CNIH3: variants seen among roughly 807,000 people sequenced by gnomAD.
CNIH3 encodes cornichon family AMPA receptor auxiliary protein 3, also known as protein cornichon homolog 3.
A neutral mutation model predicts 24.1 loss-of-function variants in CNIH3; 14 were observed. The observed-to-expected ratio is 0.58, with a 90% CI of 0.38 to 0.91. The LOEUF is 0.91. CNIH3 is among the 40% of genes least tolerant of loss of function. CNIH3 has a pLI of 0.00. For synonymous variants in CNIH3, 68 were observed against 73.8 expected (o/e 0.92, Z 0.40); for missense variants, 178 against 196.8 (o/e 0.90, Z 0.57).
intron 3 of CNIH3, among the ~76,000 whole-genome samples, chr1:224,720,057 A>G (rs1294722075): frequency 6.6e-6 from 1 of 152,104 alleles, no homozygotes; most frequent in Admixed American, 6.5e-5. Context: ...CAAATTGCCC[A>G]TTCCCCTGTA....
chr1:224,693,647 C>A (rs1242158542), intron 3 of CNIH3, among the ~76,000 whole-genome samples: 1 of 152,194 alleles, frequency 6.6e-6, no homozygotes, highest in Non-Finnish European at 1.5e-5. Flanking sequence ...GCGCAAGCAC[C>A]TTTTCAAGCT....
intron 1 of CNIH3, among the ~76,000 whole-genome samples, chr1:224,480,802 A>G (rs535251450): frequency 1.2e-3 from 177 of 152,326 alleles, no homozygotes; most frequent in African/African-American, 4.1e-3. Flanking sequence ...AAGCCATTCA[A>G]CAAGTCTCTG....
At chr1:224,536,257 G>T (rs1679277131) in intron 2 of CNIH3, among the ~76,000 whole-genome samples, 1 of 141,430 alleles carries the variant, frequency 7.1e-6, no homozygotes, top group African/African-American at 2.6e-5. Flanking sequence ...TTTTTTAATT[G>T]TGGGAAATAG....
At chr1:224,538,381 A>G (rs868248316), downstream of CNIH3, among the ~76,000 whole-genome samples, 6 of 152,178 alleles carry the variant, frequency 3.9e-5, no homozygotes, top group Admixed American at 1.3e-4. Context: ...TCTGACCAAG[A>G]TGAGTCTCTT....
intron 1 of CNIH3, among the ~76,000 whole-genome samples, chr1:224,436,304 G>T (rs1425272041): frequency 6.6e-6 from 1 of 152,152 alleles, no homozygotes; most frequent in Admixed American, 6.5e-5. Context: ...CCCTCAGAGA[G>T]CCCTGTTTGT....
At chr1:224,628,189 T>A (rs1321671970) in intron 1 of CNIH3, among the ~76,000 whole-genome samples, 2 of 152,178 alleles carry the variant, frequency 1.3e-5, no homozygotes, top group Non-Finnish European at 2.9e-5. Context: ...ATTCGCCGGC[T>A]ACCTGAGAGC....
rs188565607 is a variant in CNIH3 at position 224,473,802 on chromosome 1, T to C, written n.203+38940T>C. On this transcript the variant is annotated intron_variant and non_coding_transcript_variant, in intron 1 of 5. Coordinates refer to the CNIH3 transcript ENST00000471578. The stretch of plus-strand genomic sequence containing the variant: ...TGCACTATAGACCAAATGGACCTAA[T>C]AGATATTTACAGAACGTTTCATCCA... 1.2e-3 allele frequency among the ~76,000 whole-genome samples: 183 copies of C among 152,316 alleles called. 1 individual carries two copies. The highest frequency in any genetic ancestry group is 2.2e-3 in the Non-Finnish European group (151 of 68,014).
intron 3 of CNIH3, among the ~76,000 whole-genome samples, chr1:224,699,019 C>T (rs922832409): frequency 6.6e-6 from 1 of 151,962 alleles, no homozygotes; most frequent in Non-Finnish European, 1.5e-5. Flanking sequence ...GGATTCACAC[C>T]CAAATCCCTG....
At chr1:224,641,467 C>T (rs572395576) in intron 1 of CNIH3, among the ~76,000 whole-genome samples, 5 of 152,208 alleles carry the variant, frequency 3.3e-5, no homozygotes, top group Non-Finnish European at 7.3e-5. Flanking sequence ...CCAGAGAACT[C>T]TTCTTCTGGA....
intron 4 of CNIH3, chr1:224,574,833 G>T: frequency 1.1e-6 from 1 of 929,578 alleles, no homozygotes; most frequent in Non-Finnish European, 1.8e-6. Context: ...TGGTAATGTG[G>T]TTCCCAGTAA....
chr1:224,703,729 A>G lies in CNIH3; in HGVS notation c.198+18886A>G, dbSNP rs912530688. On this transcript the variant is annotated intron_variant, in intron 3 of 5. Transcript: ENST00000272133. The surrounding 1 kb of genome is among the most constrained non-coding windows in gnomAD (Gnocchi z 4.2). The stretch of plus-strand genomic sequence containing the variant: ...AAAAGATAGAAGTTCATCTTTTTTC[A>G]TGAGGCAAAAATATTCCTAGTATTT... Among the ~76,000 whole-genome samples, 1 of 152,120 alleles carries G rather than the reference A, an allele frequency of 6.6e-6. No individual in the cohort carries two copies. The highest frequency in any genetic ancestry group is 2.4e-5 in the African/African-American group (1 of 41,434).
At chr1:224,642,897 C>T (rs529412740) in intron 1 of CNIH3, among the ~76,000 whole-genome samples, 2 of 152,304 alleles carry the variant, frequency 1.3e-5, no homozygotes, top group South Asian at 4.1e-4. Context: ...AGTTGGGACA[C>T]TGTGAACTGT....
intron 3 of CNIH3, among the ~76,000 whole-genome samples, chr1:224,724,894 C>T (rs1170934994): frequency 1.3e-5 from 2 of 152,066 alleles, no homozygotes; most frequent in African/African-American, 4.8e-5. Flanking sequence ...GAATGGTCAT[C>T]ATCTAGTATA....
intron 1 of CNIH3, among the ~76,000 whole-genome samples, chr1:224,660,769 T>C (rs1167231768): frequency 6.6e-6 from 1 of 152,226 alleles, no homozygotes; most frequent in African/African-American, 2.4e-5. Flanking sequence ...AATGAAATTG[T>C]TTCTATAGAA....
chr1:224,582,806 G>T (rs1681333916), intron 4 of CNIH3, among the ~76,000 whole-genome samples: 2 of 152,178 alleles, frequency 1.3e-5, no homozygotes, highest in African/African-American at 2.4e-5. Context: ...GAGCTGCCAT[G>T]TATCTAAATT....
Position 224,633,609 on chromosome 1 carries a change from A to T in CNIH3, c.81+16354A>T, listed in dbSNP as rs115157861. Among the ~76,000 whole-genome samples the T allele has an allele frequency of 3.7e-3, 558 of 152,280 alleles. 2 individuals are homozygous for T. Among genetic ancestry groups the T allele is most frequent in the African/African-American group, 0.013 (537 of 41,560 alleles). ...AGATTTCGATCTCTGTCCTTGAATC[A>T]CTCTGAATGTCTAAGGCTGAGCTTG... On this transcript the variant is annotated intron_variant, in intron 1 of 5. Transcript: ENST00000272133.
chr1:224,544,828 A>C (rs1679642769), intron 2 of CNIH3, among the ~76,000 whole-genome samples: 1 of 152,194 alleles, frequency 6.6e-6, no homozygotes, highest in South Asian at 2.1e-4. Flanking sequence ...TGCTAGAATC[A>C]AGAAAACACA....
chr1:224,715,707 G>A (rs1000266451), intron 3 of CNIH3, among the ~76,000 whole-genome samples: 4 of 152,198 alleles, frequency 2.6e-5, no homozygotes, highest in African/African-American at 9.7e-5. Context: ...AAATGAGAGG[G>A]TTGGGGAGGT....
intron 5 of CNIH3, among the ~76,000 whole-genome samples, chr1:224,735,803 A>G (rs985688608): frequency 6.6e-6 from 1 of 150,436 alleles, no homozygotes; most frequent in Non-Finnish European, 1.5e-5. Context: ...GGTGTGTGTC[A>G]CCATGCCCGG....
Sources: allele counts gnomAD v4.1 joint callset (sites outside exome capture counted in the v4.1 genomes callset), GRCh38; gene constraint gnomAD v4.1.1; non-coding constraint Gnocchi (gnomAD v3.1); transcripts MANE v1.5; gene names NCBI Gene and HGNC (gene_info 2026-07-23, HGNC 2026-07-21).